The following MED27 variants were observed in gnomAD, a reference collection of about 807,000 sequenced individuals.
MED27 encodes mediator complex subunit 27.
In MED27, 30 loss-of-function variants were observed where a neutral mutation model predicts 38.2. That is an observed-to-expected ratio of 0.79 (90% CI 0.59 to 1.07). The LOEUF is 1.07. Ranked by LOEUF, MED27 falls within the 50% of genes least tolerant of loss-of-function variation. The pLI, the probability that MED27 is intolerant of heterozygous loss-of-function variation, is 0.00. For missense variants in MED27, 289 were observed against 397.5 expected, an observed-to-expected ratio of 0.73 and a Z score of 2.32; for synonymous variants, 122 against 153.5, an observed-to-expected ratio of 0.79 and a Z score of 1.52.
chr9:132,073,746 T>C, intron 2 of MED27: 1 of 1,502,588 alleles, frequency 6.7e-7, no homozygotes, highest in Non-Finnish European at 8.8e-7. Context: ...GCTCTTTCTG[T>C]AATAAAAAAA....
chr9:131,924,141 T>C (rs1044678315), intron 4 of MED27, among the ~76,000 whole-genome samples: 1 of 152,236 alleles, frequency 6.6e-6, no homozygotes, highest in African/African-American at 2.4e-5. Context: ...ATAGTTTTCT[T>C]AGACATTGCC....
At chr9:131,928,490 GAC>G (rs1250118553) in intron 4 of MED27, among the ~76,000 whole-genome samples, 2 of 152,230 alleles carry the variant, frequency 1.3e-5, no homozygotes, top group Non-Finnish European at 2.9e-5. Context: ...AGTCTTGAGT[GAC>G]ACCACTCCTC....
chr9:131,952,716 G>A (rs1831023456), intron 3 of MED27, among the ~76,000 whole-genome samples: 1 of 152,172 alleles, frequency 6.6e-6, no homozygotes, highest in African/African-American at 2.4e-5. Flanking sequence ...TCATAGCTCT[G>A]TCAGGATCCC....
chr9:131,998,666 T>C (rs1480537987), intron 3 of MED27, among the ~76,000 whole-genome samples: 1 of 152,122 alleles, frequency 6.6e-6, no homozygotes, highest in Non-Finnish European at 1.5e-5. Context: ...AGTGCTCCTT[T>C]GTTTAAAATT....
chr9:132,045,270 A>G lies in MED27; in HGVS notation c.349-30803T>C, dbSNP rs189701202. Among the ~76,000 whole-genome samples the G allele has an allele frequency of 1.7e-3, 259 of 152,310 alleles. 6 individuals are homozygous for G. Among genetic ancestry groups the G allele is most frequent in the Non-Finnish European group, 4.7e-4 (32 of 68,026 alleles). ...TGTAAACATAAAATAGCTAGGCAAC[A>G]TATCTATCGATACAAGAAAAGTTAA... On this transcript the variant is annotated intron_variant, in intron 2 of 7. Transcript: ENST00000292035.
chr9:131,950,101 A>G (rs1830962376), intron 3 of MED27, among the ~76,000 whole-genome samples: 1 of 152,116 alleles, frequency 6.6e-6, no homozygotes, highest in South Asian at 2.1e-4. Context: ...TTTTAATGTC[A>G]CTCAACAGCT....
In MED27 at chr9:131,957,309, C is replaced by A. The variant is rs150276646; in HGVS notation, c.480-17835G>T. Among the ~76,000 whole-genome samples, 3 of 151,336 alleles carry A rather than the reference C, an allele frequency of 2.0e-5. No homozygotes were observed. The South Asian group carries it at 6.3e-4, about 32-fold the overall frequency. On this transcript the variant is annotated intron_variant, in intron 3 of 7. Coordinates refer to ENST00000292035, the MANE Select transcript of MED27 (RefSeq NM_004269.4). ...AGGGTGTTGCTCAGGCTGGAGTGTG[C>A]GGTGATGTGATCATAGCTCACTGTA...
chr9:131,987,182 C>T (rs936809426), intron 3 of MED27, among the ~76,000 whole-genome samples: 7 of 152,032 alleles, frequency 4.6e-5, no homozygotes, highest in African/African-American at 1.7e-4. Flanking sequence ...GCTGCACGTT[C>T]TCAAAGAGGT....
At chr9:132,005,281 T>C (rs989788398) in intron 3 of MED27, among the ~76,000 whole-genome samples, 6 of 152,192 alleles carry the variant, frequency 3.9e-5, no homozygotes, top group Admixed American at 2.0e-4. Context: ...CAAAATGCCT[T>C]CTGAGTCTAC....
At chr9:131,891,412 T>C (rs535031446) in intron 5 of MED27, among the ~76,000 whole-genome samples, 62 of 152,214 alleles carry the variant, frequency 4.1e-4, no homozygotes, top group Admixed American at 2.4e-3. Context: ...AAGTATATTC[T>C]ACAAAATGGC....
intron 4 of MED27, among the ~76,000 whole-genome samples, chr9:131,929,847 C>G (rs1051936751): frequency 1.3e-5 from 2 of 152,260 alleles, no homozygotes; most frequent in Admixed American, 1.3e-4. Context: ...ACAAACCTGG[C>G]TGGCTTCCCC....
chr9:132,008,159 T>A (rs1287049902), intron 3 of MED27, among the ~76,000 whole-genome samples: 1 of 152,130 alleles, frequency 6.6e-6, no homozygotes, highest in East Asian at 1.9e-4. Flanking sequence ...AAAGCAATAT[T>A]CCATGTTAAC....
intron 2 of MED27, chr9:132,073,681 G>A: frequency 6.6e-7 from 1 of 1,516,318 alleles, no homozygotes; most frequent in Non-Finnish European, 8.8e-7. Context: ...CAGGAGGGCA[G>A]GAGGGAGGAA....
intron 4 of MED27, among the ~76,000 whole-genome samples, chr9:131,903,854 A>C (rs1003319616): frequency 6.6e-6 from 1 of 151,476 alleles, no homozygotes; most frequent in Non-Finnish European, 1.5e-5. Context: ...CAGCCTCCCA[A>C]ATAGTTGGGA....
At chr9:131,934,298 C>T (rs1176101841) in intron 4 of MED27, among the ~76,000 whole-genome samples, 2 of 152,072 alleles carry the variant, frequency 1.3e-5, no homozygotes, top group African/African-American at 4.8e-5. Context: ...AGTTAAAAAG[C>T]TTCTGTACTG....
chr9:131,912,125 C>G (rs917410487), intron 4 of MED27, among the ~76,000 whole-genome samples: 6 of 152,092 alleles, frequency 3.9e-5, no homozygotes, highest in Non-Finnish European at 7.4e-5. Context: ...TCTGGAGTTC[C>G]TAATTTAAAA....
intron 3 of MED27, among the ~76,000 whole-genome samples, chr9:131,995,926 G>C (rs1407375863): frequency 6.6e-6 from 1 of 152,132 alleles, no homozygotes; most frequent in Non-Finnish European, 1.5e-5. Context: ...GGAGGAAGCA[G>C]GAGTGTCCTC....
chr9:131,949,212 T>A (rs535471966), intron 3 of MED27, among the ~76,000 whole-genome samples: 117 of 152,314 alleles, frequency 7.7e-4, no homozygotes, highest in African/African-American at 2.7e-3. Flanking sequence ...GTTCTAGGAA[T>A]GACATTAAGT....
chr9:131,897,016 C>A (rs1467435082), intron 4 of MED27, among the ~76,000 whole-genome samples: 2 of 152,262 alleles, frequency 1.3e-5, no homozygotes, highest in Non-Finnish European at 2.9e-5. Context: ...AGGCGCAAGC[C>A]ACCACGCCCA....
Sources: allele counts gnomAD v4.1 joint callset (sites outside exome capture counted in the v4.1 genomes callset), GRCh38; gene constraint gnomAD v4.1.1; transcripts MANE v1.5; gene names NCBI Gene and HGNC (gene_info 2026-07-23, HGNC 2026-07-21).